CNTN5: variants seen among roughly 807,000 people sequenced by gnomAD.
CNTN5 encodes the protein contactin-5.
Under a neutral mutation model 129.1 loss-of-function variants are expected in CNTN5, and 77 were observed. The observed-to-expected ratio is 0.60, with a 90% CI of 0.50 to 0.72. The LOEUF is 0.72. Ranked by LOEUF, CNTN5 falls within the 30% of genes least tolerant of loss-of-function variation. The pLI is 0.00. For synonymous variants in CNTN5, 509 were observed against 465.6 expected, an observed-to-expected ratio of 1.09 and a Z score of -1.20; for missense variants, 1,478 against 1,328.8, an observed-to-expected ratio of 1.11 and a Z score of -1.75.
intron 7 of CNTN5, among the ~76,000 whole-genome samples, chr11:99,946,792 T>A (rs12804103): frequency 0.17 from 23,954 of 143,094 alleles, 2,528 homozygotes; most frequent in African/African-American, 0.31. Flanking sequence ...GTTCTTTAAT[T>A]GTTTAAATCC....
At chr11:99,231,961 T>C (rs1392009761) in intron 1 of CNTN5, among the ~76,000 whole-genome samples, 4 of 151,970 alleles carry the variant, frequency 2.6e-5, no homozygotes, top group Non-Finnish European at 4.4e-5. Context: ...CTGGTTGTAG[T>C]TGTGTGGTCT....
chr11:100,322,391 T>A (rs916040559), intron 21 of CNTN5, among the ~76,000 whole-genome samples: 1 of 152,076 alleles, frequency 6.6e-6, no homozygotes. Flanking sequence ...CCCGGCTAAT[T>A]TTTTGTATTT....
chr11:99,398,832 C>T (rs1941658475), intron 2 of CNTN5, among the ~76,000 whole-genome samples: 1 of 151,772 alleles, frequency 6.6e-6, no homozygotes, highest in Non-Finnish European at 1.5e-5. Flanking sequence ...CAGCTATGTG[C>T]TGACAACTCA....
intron 2 of CNTN5, among the ~76,000 whole-genome samples, chr11:99,377,504 T>C (rs1389671686): frequency 1.3e-5 from 2 of 152,136 alleles, no homozygotes; most frequent in Admixed American, 1.3e-4. Flanking sequence ...AAGTCCTAAT[T>C]GGCTTTCTTA....
At chr11:100,318,293 A>C (rs1951610855) in intron 21 of CNTN5, among the ~76,000 whole-genome samples, 1 of 151,654 alleles carries the variant, frequency 6.6e-6, no homozygotes, top group Admixed American at 6.6e-5. Flanking sequence ...TTCAACATGA[A>C]TGTGAATTTA....
intron 3 of CNTN5, among the ~76,000 whole-genome samples, chr11:99,689,530 G>GAA (rs368912453): frequency 0.52 from 48,397 of 92,862 alleles, 13,564 homozygotes; most frequent in Middle Eastern, 0.64. Context: ...CCTCAAAAAA[G>GAA]AAAAAAAAAA....
intron 7 of CNTN5, among the ~76,000 whole-genome samples, chr11:99,934,898 GTATATATATATATATATATATA>G (rs200635742): frequency 0.14 from 9,333 of 67,862 alleles, 811 homozygotes; most frequent in Non-Finnish European, 0.17. Context: ...GTGTGTGTGT[GTATATATATATATATATATATA>G]TATATATATA....
chr11:100,019,062 T>C (rs770605), intron 9 of CNTN5, among the ~76,000 whole-genome samples: 65,597 of 151,688 alleles, frequency 0.43, 14,537 homozygotes, highest in East Asian at 0.56. Context: ...TTATCATATA[T>C]GTGATTCGCA....
chr11:99,908,121 G>A (rs1248586328), intron 6 of CNTN5, among the ~76,000 whole-genome samples: 1 of 151,914 alleles, frequency 6.6e-6, no homozygotes, highest in East Asian at 1.9e-4. Context: ...AAGTGTTTTT[G>A]TTTTTTTACA....
intron 1 of CNTN5, among the ~76,000 whole-genome samples, chr11:99,063,324 G>T (rs1021620475): frequency 2.0e-5 from 3 of 152,000 alleles, no homozygotes; most frequent in Admixed American, 6.6e-5. Flanking sequence ...GGATTCCAGA[G>T]GATTTCAGAG....
chr11:99,937,592 T>C (rs1950343680), intron 7 of CNTN5, among the ~76,000 whole-genome samples: 1 of 152,206 alleles, frequency 6.6e-6, no homozygotes, highest in Non-Finnish European at 1.5e-5. Context: ...GGTGCCATTT[T>C]AGTGGCTCCA....
chr11:99,622,663 AAC>A (rs1433923957), intron 3 of CNTN5, among the ~76,000 whole-genome samples: 1 of 152,128 alleles, frequency 6.6e-6, no homozygotes, highest in Non-Finnish European at 1.5e-5. Flanking sequence ...AATGCTAATT[AAC>A]AGAGATGGTA....
chr11:100,103,475 CA>C (rs532099622), intron 13 of CNTN5, among the ~76,000 whole-genome samples: 38 of 152,198 alleles, frequency 2.5e-4, no homozygotes, highest in Middle Eastern at 3.4e-3. Context: ...TTGTTAAAAC[CA>C]GGGGGAAAGA....
chr11:99,819,486 G>A lies in CNTN5; in HGVS notation c.56-58G>A, dbSNP rs1276140046. On this transcript the variant is annotated intron_variant, in intron 3 of 24. Coordinates refer to ENST00000524871, the MANE Select transcript of CNTN5 (RefSeq NM_014361.4). ...GTCTTCAAAGAAACAATCTTCATAA[G>A]AAAAAAATAAACTAGTTTCCTCAAA... 10 of 1,459,642 alleles carry A rather than the reference G, an allele frequency of 6.9e-6. No homozygotes were observed. In the Admixed American group the frequency reaches 1.7e-4, roughly 24 times the overall value. The allele number at this position is 1,459,642 out of a possible 1,614,324, so 90.4% of individuals were successfully genotyped here. A position where few individuals can be genotyped will look rare whatever the true frequency, so the allele number is the denominator to read the frequency against.
chr11:99,585,110 C>CA (rs1949749475), intron 3 of CNTN5, among the ~76,000 whole-genome samples: 2 of 152,142 alleles, frequency 1.3e-5, no homozygotes, highest in Non-Finnish European at 2.9e-5. Context: ...CACAGTGTTA[C>CA]AAAATCACAC....
At chr11:99,159,115 T>C (rs975842517) in intron 1 of CNTN5, among the ~76,000 whole-genome samples, 1 of 152,140 alleles carries the variant, frequency 6.6e-6, no homozygotes, top group Non-Finnish European at 1.5e-5. Flanking sequence ...CATAATGACT[T>C]TATGAGGACT....
chr11:99,485,227 A>C (rs1159650639), intron 2 of CNTN5, among the ~76,000 whole-genome samples: 5 of 121,070 alleles, frequency 4.1e-5, no homozygotes, highest in Admixed American at 9.0e-5. Context: ...AAAAGCAAAA[A>C]CCCCCCAAAA....
At chr11:99,695,772 G>T (rs1954242562) in intron 3 of CNTN5, among the ~76,000 whole-genome samples, 1 of 151,828 alleles carries the variant, frequency 6.6e-6, no homozygotes, top group Admixed American at 6.6e-5. Flanking sequence ...CTCTGTAAAA[G>T]CTGACAACCT....
intron 3 of CNTN5, among the ~76,000 whole-genome samples, chr11:99,640,257 C>A (rs1951722212): frequency 6.6e-6 from 1 of 152,168 alleles, no homozygotes; most frequent in Non-Finnish European, 1.5e-5. Context: ...TCTACTGGTA[C>A]CGATACACTG....
Sources: allele counts gnomAD v4.1 joint callset (sites outside exome capture counted in the v4.1 genomes callset), GRCh38; gene constraint gnomAD v4.1.1; transcripts MANE v1.5; gene names NCBI Gene and HGNC (gene_info 2026-07-23, HGNC 2026-07-21).